The following CADPS2 variants were observed in gnomAD, a reference collection of about 807,000 sequenced individuals.
CADPS2 encodes the protein calcium-dependent secretion activator 2.
A neutral mutation model predicts 172.5 loss-of-function variants in CADPS2; 93 were observed. The ratio of observed to expected loss-of-function variants is 0.54; its 90% CI spans 0.46 to 0.64. The LOEUF is 0.64. CADPS2 is among the 30% of genes least tolerant of loss of function. CADPS2 has a pLI of 0.00. For missense variants in CADPS2, 1,420 were observed against 1,565.9 expected (o/e 0.91, Z 1.57); for synonymous variants, 546 against 555.2 (o/e 0.98, Z 0.23).
At chr7:122,702,761 G>A in intron 2 of CADPS2, 1 of 1,570,414 alleles carries the variant, frequency 6.4e-7, no homozygotes, top group Admixed American at 1.9e-5. Context: ...GCCTCCATTT[G>A]TCTATTAAGA....
At chr7:122,782,550 G>A (rs1793008953) in intron 1 of CADPS2, among the ~76,000 whole-genome samples, 1 of 152,186 alleles carries the variant, frequency 6.6e-6, no homozygotes, top group Non-Finnish European at 1.5e-5. Context: ...TGTTGAGGCT[G>A]CAGTGAGGCA....
At chr7:122,791,075 T>C (rs1795194190) in intron 1 of CADPS2, among the ~76,000 whole-genome samples, 1 of 152,186 alleles carries the variant, frequency 6.6e-6, no homozygotes, top group Non-Finnish European at 1.5e-5. Flanking sequence ...TCTTAAACGT[T>C]GTGGGCCATG....
chr7:122,629,437 A>G, intron 3 of CADPS2, 109 bp from the exon 4 acceptor site: 1 of 604,922 alleles, frequency 1.7e-6, no homozygotes, highest in Non-Finnish European at 2.6e-6. Flanking sequence ...TGACTGAAAA[A>G]TGTTTAATAG....
intron 7 of CADPS2, 40 bp from the exon 8 acceptor site, chr7:122,554,729 G>C (rs147715468): frequency 6.5e-7 from 1 of 1,539,152 alleles, no homozygotes; most frequent in African/African-American, 1.4e-5. Context: ...CGCATGATAC[G>C]GAGTGTCTAT....
chr7:122,619,760 G>A (rs1179241597), intron 5 of CADPS2, among the ~76,000 whole-genome samples: 2 of 152,218 alleles, frequency 1.3e-5, no homozygotes, highest in African/African-American at 2.4e-5. Flanking sequence ...CAGGAGATCT[G>A]AGACAGGAAT....
At chr7:122,760,574 C>G (rs1207744797) in intron 1 of CADPS2, among the ~76,000 whole-genome samples, 1 of 151,846 alleles carries the variant, frequency 6.6e-6, no homozygotes, top group African/African-American at 2.4e-5. Flanking sequence ...ACCAAAGAAT[C>G]CTTGAAAACT....
intron 16 of CADPS2, chr7:122,440,496 C>A (rs551952015): frequency 1.3e-5 from 2 of 152,236 alleles, no homozygotes; most frequent in African/African-American, 4.8e-5. Context: ...TTCTATCACA[C>A]AATCCACAAC....
At chr7:122,638,927 C>A (rs930288565) in intron 3 of CADPS2, among the ~76,000 whole-genome samples, 2 of 152,214 alleles carry the variant, frequency 1.3e-5, no homozygotes, top group African/African-American at 4.8e-5. Context: ...TTCCTCTCCA[C>A]GAGAGCAGTA....
At chr7:122,448,321 G>A (rs2052573963) in intron 15 of CADPS2, among the ~76,000 whole-genome samples, 1 of 152,044 alleles carries the variant, frequency 6.6e-6, no homozygotes, top group Non-Finnish European at 1.5e-5. Context: ...ATCATCATGA[G>A]AACAGCATGG....
chr7:122,335,065 G>A lies in CADPS2; in HGVS notation c.3613-9484C>T, dbSNP rs1220203886. Among the ~76,000 whole-genome samples the A allele has an allele frequency of 2.6e-5, 4 of 152,114 alleles. 1 individual carries two copies. The South Asian group carries it at 8.3e-4, about 32-fold the overall frequency. On this transcript the variant is annotated intron_variant, in intron 28 of 29. Transcript: ENST00000449022. Reference sequence around the variant, plus strand: ...TGTGACATAGATAGCCATCTCTATGGGCAAAGCCAAGACCTGAAGTTTTAA... The same window carrying A: ...TGTGACATAGATAGCCATCTCTATGAGCAAAGCCAAGACCTGAAGTTTTAA...
intron 2 of CADPS2, chr7:122,698,525 C>T (rs767082686): frequency 3.8e-5 from 62 of 1,613,876 alleles, no homozygotes; most frequent in Non-Finnish European, 4.7e-5. Context: ...GTACCTGGAA[C>T]GTTATAGATG....
intron 1 of CADPS2, among the ~76,000 whole-genome samples, chr7:122,855,695 C>T (rs1476387813): frequency 1.3e-5 from 2 of 152,174 alleles, no homozygotes; most frequent in African/African-American, 4.8e-5. Flanking sequence ...AGACATACGA[C>T]TGAATATGAA....
At chr7:122,391,552 T>C (rs2044367249) in intron 22 of CADPS2, among the ~76,000 whole-genome samples, 1 of 152,046 alleles carries the variant, frequency 6.6e-6, no homozygotes, top group Non-Finnish European at 1.5e-5. Flanking sequence ...GAAAGGTTCA[T>C]TATAGTTTGT....
chr7:122,373,972 G>A (rs1284041239), intron 25 of CADPS2, among the ~76,000 whole-genome samples: 1 of 152,034 alleles, frequency 6.6e-6, no homozygotes, highest in Non-Finnish European at 1.5e-5. Context: ...AAAACTATAA[G>A]CCAAGATAAA....
intron 7 of CADPS2, among the ~76,000 whole-genome samples, chr7:122,579,647 AAATT>A (rs1292339268): frequency 1.3e-5 from 2 of 151,808 alleles, no homozygotes; most frequent in South Asian, 2.1e-4. Context: ...TTTACCCTTA[AAATT>A]AATATAATAA....
At chr7:122,346,291 A>G (rs1254976745) in intron 27 of CADPS2, among the ~76,000 whole-genome samples, 1 of 152,060 alleles carries the variant, frequency 6.6e-6, no homozygotes, top group East Asian at 1.9e-4. Context: ...TTGCTTGAGC[A>G]TGGGTGGTTG....
At chr7:122,491,018 T>C (rs1164996196) in intron 10 of CADPS2, among the ~76,000 whole-genome samples, 3 of 152,188 alleles carry the variant, frequency 2.0e-5, no homozygotes, top group Non-Finnish European at 2.9e-5. Context: ...ACTTTTGCTT[T>C]CCCGCAAAGA....
At position 122,372,725 on chromosome 7, in the gene CADPS2, C is replaced by T. The variant is rs555842982; in HGVS notation, c.3387+6643G>A. On this transcript the variant is annotated intron_variant, in intron 25 of 29. Transcript: ENST00000449022. Reference sequence around the variant, plus strand: ...AATTATTATGATATAAAAATGTCTACGACATGACTCTTAGAATTTGACAGT... The same window carrying T: ...AATTATTATGATATAAAAATGTCTATGACATGACTCTTAGAATTTGACAGT... Among the ~76,000 whole-genome samples, 40 of 152,242 alleles carry T rather than the reference C, an allele frequency of 2.6e-4. No individual in the cohort carries two copies. In the South Asian group the frequency reaches 3.9e-3, roughly 15 times the overall value.
Position 122,451,451 on chromosome 7 carries a change from T to G in CADPS2, c.2211A>C (p.Ser737=). The G allele has an allele frequency of 6.3e-7, 1 of 1,585,792 alleles. No individual in the cohort carries two copies. The highest frequency in any genetic ancestry group is 8.6e-7 in the Non-Finnish European group (1 of 1,165,186). Residue 737 remains serine (S), a synonymous_variant, in exon 15 of 30, where the codon TCA becomes TCC. Transcript: ENST00000449022. ...GNRPDGIGTV[S]VEEKERFEEI... is the part of the protein sequence containing the mutation. ...CCTCAAATCTTTCTTTTTCTTCCACTGAAACAGTCCCAATTCCATCAGGCC... is the reference window on the plus strand; with the variant it reads ...CCTCAAATCTTTCTTTTTCTTCCACGGAAACAGTCCCAATTCCATCAGGCC...
Sources: gnomAD v4.1 joint callset for allele counts (sites outside exome capture counted in the v4.1 genomes callset) on GRCh38, gnomAD v4.1.1 for gene constraint, MANE v1.5 for transcripts, NCBI Gene and HGNC (gene_info 2026-07-23, HGNC 2026-07-21) for gene names.